The following TGM5 variants were observed in gnomAD, a reference collection of about 807,000 sequenced individuals.
The protein encoded by TGM5 is transglutaminase 5.
Under a neutral mutation model 77.2 loss-of-function variants are expected in TGM5, and 69 were observed. The observed-to-expected ratio is 0.89, with a 90% CI of 0.74 to 1.09. TGM5 has a LOEUF of 1.09. TGM5 is among the 50% of genes least tolerant of loss of function. The pLI is 0.00. For missense variants in TGM5, 842 were observed against 896.5 expected (o/e 0.94, Z 0.78); for synonymous variants, 346 against 351.8 (o/e 0.98, Z 0.18).
intron 1 of TGM5, among the ~76,000 whole-genome samples, chr15:43,261,657 C>T (rs1030753761): frequency 6.6e-6 from 1 of 152,196 alleles, no homozygotes; most frequent in Admixed American, 6.5e-5. Context: ...ACAATTGGCT[C>T]ACCCATCTTC....
intron 6 of TGM5, among the ~76,000 whole-genome samples, chr15:43,242,370 G>A (rs926546711): frequency 2.0e-5 from 3 of 152,088 alleles, no homozygotes; most frequent in Admixed American, 6.5e-5. Flanking sequence ...GATTTTAGTG[G>A]TGATTATTTT....
At chr15:43,254,941 G>A (rs1435791460) in intron 4 of TGM5, among the ~76,000 whole-genome samples, 1 of 152,086 alleles carries the variant, frequency 6.6e-6, no homozygotes, top group Non-Finnish European at 1.5e-5. Context: ...GCATTACACT[G>A]TAAGATCAGG....
At chr15:43,246,878 T>C (rs2042672855) in intron 6 of TGM5, among the ~76,000 whole-genome samples, 1 of 152,120 alleles carries the variant, frequency 6.6e-6, no homozygotes, top group Non-Finnish European at 1.5e-5. Context: ...GACTTAGTAG[T>C]GGGGCTAAAT....
Position 43,252,285 on chromosome 15 carries a change from T to G in TGM5, c.862+474A>C, listed in dbSNP as rs149346801. ...ATGGTCTGACATAAGCCCAGACATG[T>G]GCAGTCTGAGGTCCGTGATGAGACA... is the stretch of plus-strand genomic sequence containing the variant. On this transcript the variant is annotated intron_variant, in intron 6 of 12. Transcript: ENST00000220420. Among the ~76,000 whole-genome samples the G allele has an allele frequency of 1.5e-3, 236 of 152,330 alleles. 6 individuals carry two copies. The East Asian group carries it at 0.034, about 22-fold the overall frequency.
chr15:43,236,211 C>T (rs2042589335), intron 9 of TGM5, among the ~76,000 whole-genome samples: 1 of 152,114 alleles, frequency 6.6e-6, no homozygotes, highest in Non-Finnish European at 1.5e-5. Flanking sequence ...TGTGACCGCT[C>T]AACTCTATCC....
rs113766373 is a variant in TGM5, at chr15:43,252,873, C to T, written c.748G>A (p.Ala250Thr). 36 of 1,613,748 alleles carry T rather than the reference C, an allele frequency of 2.2e-5. No homozygotes were observed. The highest frequency in any genetic ancestry group is 5.0e-5 in the Admixed American group (3 of 60,012). Residue 250 changes from alanine (A) to threonine (T), a missense_variant, in exon 6 of 13, where the codon GCC becomes ACC. Coordinates refer to ENST00000220420, the MANE Select transcript of TGM5 (RefSeq NM_201631.4). ...CTGCCCGTCCACTCCGCAGGGTTGG[C>T]GCCGTCTGTGTAATTCTCACTCCAG... ...GNWSENYTDG[A>T]NPAEWTGSVA...
At position 43,233,169 on chromosome 15, in the gene TGM5, G is replaced by A. The variant is rs765654547; in HGVS notation, c.*22C>T. 77 of 1,613,626 alleles carry A rather than the reference G, an allele frequency of 4.8e-5. No homozygotes were observed. The highest frequency in any genetic ancestry group is 1.6e-4 in the Middle Eastern group (1 of 6,084). On this transcript the variant is annotated 3_prime_UTR_variant, in exon 13 of 13. Transcript: ENST00000220420. ...TTTTCCTGAAGCTTGAAATTCACAC[G>A]TCTGGCGCGTTGTTCCAGAATTTAT...
intron 8 of TGM5, 24 bp downstream of exon 8, chr15:43,239,139 T>G (rs756350589): frequency 6.2e-7 from 1 of 1,614,092 alleles, no homozygotes; most frequent in South Asian, 1.1e-5. Flanking sequence ...GAGCGGGGCC[T>G]GCCTTTCTTC....
intron 1 of TGM5, among the ~76,000 whole-genome samples, chr15:43,265,696 G>A (rs1225347621): frequency 6.6e-6 from 1 of 152,222 alleles, no homozygotes; most frequent in Non-Finnish European, 1.5e-5. Flanking sequence ...GATCTTAGTA[G>A]TTATCCTAGA....
At chr15:43,246,519 A>G (rs1390396351) in intron 6 of TGM5, among the ~76,000 whole-genome samples, 1 of 152,208 alleles carries the variant, frequency 6.6e-6, no homozygotes, top group Non-Finnish European at 1.5e-5. Context: ...TATGATCATG[A>G]GAACAATAAC....
intron 3 of TGM5, among the ~76,000 whole-genome samples, chr15:43,257,469 C>A (rs2042750500): frequency 6.6e-6 from 1 of 152,142 alleles, no homozygotes; most frequent in Admixed American, 6.5e-5. Context: ...TCAAAAATAT[C>A]TTAACATTAG....
intron 6 of TGM5, chr15:43,241,224 T>C (rs2042633919): frequency 3.4e-6 from 2 of 580,692 alleles, no homozygotes; most frequent in Non-Finnish European, 6.2e-6. Flanking sequence ...AAGCACTGCC[T>C]GAGCCAGTAA....
At position 43,233,362 on chromosome 15, in the gene TGM5, G is replaced by T. The variant is rs1048105465; in HGVS notation, c.2010-18C>A. 1 of 1,612,944 alleles carries T rather than the reference G, an allele frequency of 6.2e-7. No individual in the cohort carries two copies. Among genetic ancestry groups the T allele is most frequent in the African/African-American group, 1.3e-5 (1 of 74,916 alleles). On this transcript the variant is annotated intron_variant, in intron 12 of 12. Coordinates refer to ENST00000220420, the MANE Select transcript of TGM5 (RefSeq NM_201631.4). ...CTCCAAGGCTGCAACAGAGAATGGAGCATGTCAGAAAACCAAAAGCATGAT... is the reference window on the plus strand; with the variant it reads ...CTCCAAGGCTGCAACAGAGAATGGATCATGTCAGAAAACCAAAAGCATGAT...
chr15:43,266,919 G>C lies in TGM5; in HGVS notation c.-70C>G. ...GGCGGTCTGGAGCTTCAGCAAACTG[G>C]TGCCAGAGTGTCTACTTCCCCTTCC... On this transcript the variant is annotated 5_prime_UTR_variant, in exon 1 of 13. Coordinates refer to ENST00000220420, the MANE Select transcript of TGM5 (RefSeq NM_201631.4). The C allele has an allele frequency of 6.2e-6, 10 of 1,601,302 alleles. No individual in the cohort carries two copies. The highest frequency in any genetic ancestry group is 8.5e-6 in the Non-Finnish European group (10 of 1,170,402).
At chr15:43,245,223 G>C in intron 6 of TGM5, among the ~76,000 whole-genome samples, 1 of 152,074 alleles carries the variant, frequency 6.6e-6, no homozygotes, top group East Asian at 1.9e-4. Context: ...CATTCAGTTA[G>C]CTTTACTGCC....
chr15:43,238,748 T>C, intron 9 of TGM5, 69 bp downstream of exon 9: 1 of 1,591,342 alleles, frequency 6.3e-7, no homozygotes, highest in East Asian at 2.3e-5. Flanking sequence ...AGATGCTCTC[T>C]GGCTCCCTGG....
intron 4 of TGM5, among the ~76,000 whole-genome samples, 188 bp downstream of exon 4, chr15:43,256,380 T>TC (rs568610631): frequency 6.6e-6 from 1 of 152,166 alleles, no homozygotes; most frequent in Non-Finnish European, 1.5e-5. Flanking sequence ...TCAGACATGA[T>TC]CAGCAAAGAG....
intron 6 of TGM5, among the ~76,000 whole-genome samples, chr15:43,241,688 G>T (rs887516311): frequency 2.0e-5 from 3 of 151,432 alleles, no homozygotes; most frequent in African/African-American, 7.3e-5. Context: ...TATTTTTTTT[G>T]AAGTCAAAAA....
chr15:43,261,731 G>A (rs2042791955), intron 1 of TGM5, among the ~76,000 whole-genome samples: 1 of 151,948 alleles, frequency 6.6e-6, no homozygotes, highest in South Asian at 2.1e-4. Context: ...AAACATCTCT[G>A]GTGTCTATCC....
Sources: allele counts gnomAD v4.1 joint callset (sites outside exome capture counted in the v4.1 genomes callset), GRCh38; gene constraint gnomAD v4.1.1; transcripts MANE v1.5; gene names NCBI Gene and HGNC (gene_info 2026-07-23, HGNC 2026-07-21).